Variants in GNB5 observed in about 807,000 individuals in gnomAD.
GNB5 encodes G protein subunit beta 5, also known as guanine nucleotide-binding protein subunit beta-5.
A neutral mutation model predicts 55.3 loss-of-function variants in GNB5; 37 were observed. The observed-to-expected ratio is 0.67, with a 90% CI of 0.51 to 0.88. The LOEUF is 0.88. GNB5 is among the 40% of genes least tolerant of loss of function. GNB5 has a pLI of 0.00. For synonymous variants in GNB5, 219 were observed against 198.5 expected (o/e 1.10, Z -0.87); for missense variants, 476 against 515.3 (o/e 0.92, Z 0.74).
chr15:52,184,460 A>G (rs911202995), intron 2 of GNB5, 91 bp downstream of exon 2: 27 of 1,110,104 alleles, frequency 2.4e-5, no homozygotes, highest in Admixed American at 3.6e-5. Flanking sequence ...TGTGTGTTAT[A>G]TAAGCTGATT....
rs1448084144 is a variant in GNB5, at chr15:52,120,819, G to A, written c.*1938C>T. On this transcript the variant is annotated 3_prime_UTR_variant, in exon 13 of 13. Coordinates refer to ENST00000261837, the MANE Select transcript of GNB5 (RefSeq NM_016194.4). The stretch of plus-strand genomic sequence containing the variant: ...CCCTGCCCAGACTGGAATCTACTGG[G>A]ACTAAAAAGCACTCTCTCTGGGCTC... 1 of 152,328 alleles carries A rather than the reference G, an allele frequency of 6.6e-6. No homozygotes were observed. Among genetic ancestry groups the A allele is most frequent in the Non-Finnish European group, 1.5e-5 (1 of 68,144 alleles). The allele number at this position is 152,328 out of a possible 1,614,324, so 9.4% of individuals were successfully genotyped here.
chr15:52,150,096 C>G lies in GNB5; in HGVS notation c.376-171G>C, dbSNP rs560649544. 7.2e-5 allele frequency among the ~76,000 whole-genome samples: 11 copies of G among 152,230 alleles called. 1 individual carries two copies. Among genetic ancestry groups the G allele is most frequent in the African/African-American group, 2.6e-4 (11 of 41,544 alleles). ...TCCATGAAAAAAAGTGGGGTGAGTG[C>G]AGGAGGGGCTGGATGTTCCAGCAGA... On this transcript the variant is annotated intron_variant, in intron 4 of 12. Coordinates refer to ENST00000261837, the MANE Select transcript of GNB5 (RefSeq NM_016194.4).
intron 7 of GNB5, chr15:52,137,803 A>G (rs1239578077): frequency 2.4e-6 from 3 of 1,265,512 alleles, no homozygotes; most frequent in African/African-American, 3.1e-5. Flanking sequence ...ACTGACAGCA[A>G]TGGAGGGGAC....
chr15:52,188,092 T>C (rs906165939), intron 1 of GNB5, among the ~76,000 whole-genome samples: 5 of 152,240 alleles, frequency 3.3e-5, no homozygotes, highest in Non-Finnish European at 4.4e-5. Context: ...TTTATAAGTA[T>C]ATATGTGTGT....
intron 2 of GNB5, among the ~76,000 whole-genome samples, chr15:52,181,808 G>C (rs1317331208): frequency 6.6e-6 from 1 of 151,874 alleles, no homozygotes; most frequent in East Asian, 1.9e-4. Flanking sequence ...GCATATGGTA[G>C]GTGCTCAGTT....
chr15:52,139,933 A>G, intron 7 of GNB5: 3 of 1,286,200 alleles, frequency 2.3e-6, no homozygotes, highest in Non-Finnish European at 3.0e-6. Context: ...GCCTGCCTTC[A>G]TCCAGCCTAA....
chr15:52,129,927 T>TC, intron 9 of GNB5, among the ~76,000 whole-genome samples: 1 of 152,342 alleles, frequency 6.6e-6, no homozygotes, highest in Middle Eastern at 3.4e-3. Flanking sequence ...GTTTTGTTTT[T>TC]CCTGGGCAGG....
chr15:52,133,837 A>G (rs1350234052), intron 8 of GNB5, among the ~76,000 whole-genome samples: 2 of 152,212 alleles, frequency 1.3e-5, no homozygotes, highest in East Asian at 3.8e-4. Context: ...CCCAGAGGGC[A>G]AGGCAGGCAG....
rs1293673907 is a variant in GNB5, at chr15:52,122,238, T to G, written c.*519A>C. ...AAGATACTTTTACAATAAAAACACA[T>G]TCTAAAAAAATGATTTTTGTCTAAT... On this transcript the variant is annotated 3_prime_UTR_variant, in exon 13 of 13. Transcript: ENST00000261837. 6.6e-6 allele frequency: 1 copy of G among 152,556 alleles called. No homozygotes were observed. The highest frequency in any genetic ancestry group is 2.4e-5 in the African/African-American group (1 of 41,446). The allele number at this position is 152,556 out of a possible 1,614,324, so 9.5% of individuals were successfully genotyped here.
chr15:52,185,017 T>C (rs2141243942), intron 1 of GNB5, among the ~76,000 whole-genome samples: 1 of 152,358 alleles, frequency 6.6e-6, no homozygotes, highest in Non-Finnish European at 1.5e-5. Flanking sequence ...GGAAAACGTT[T>C]TTGTAATGGA....
At chr15:52,170,021 A>G (rs2034528336) in intron 3 of GNB5, among the ~76,000 whole-genome samples, 1 of 152,252 alleles carries the variant, frequency 6.6e-6, no homozygotes, top group Admixed American at 6.5e-5. Flanking sequence ...ATACCATCTC[A>G]TGTCAGTCAG....
At chr15:52,137,921 C>T (rs2033762166) in intron 7 of GNB5, 1 of 1,286,884 alleles carries the variant, frequency 7.8e-7, no homozygotes, top group Non-Finnish European at 1.0e-6. Context: ...CACAAGAGAG[C>T]CCTTTGCGGA....
At chr15:52,179,685 C>CG in intron 3 of GNB5, 83 bp downstream of exon 3, 7 of 835,418 alleles carry the variant, frequency 8.4e-6, no homozygotes, top group Non-Finnish European at 1.1e-5. Context: ...CAGCCACGAC[C>CG]GCCCCCACCG....
chr15:52,128,094 A>G (rs2033474038), intron 10 of GNB5, 102 bp downstream of exon 10: 3 of 735,822 alleles, frequency 4.1e-6, no homozygotes, highest in Non-Finnish European at 7.0e-6. Flanking sequence ...TCTTTATTGA[A>G]TACTCGTTAC....
intron 3 of GNB5, among the ~76,000 whole-genome samples, chr15:52,172,978 G>A (rs1301935749): frequency 1.3e-5 from 2 of 151,728 alleles, no homozygotes; most frequent in African/African-American, 4.8e-5. Context: ...CTTTTCATAC[G>A]TGGATTTACT....
chr15:52,135,635 G>T lies in GNB5; in HGVS notation c.749C>A (p.Thr250Asn). 6.2e-7 allele frequency: 1 copy of T among 1,613,822 alleles called. No individual in the cohort carries two copies. Among genetic ancestry groups the T allele is most frequent in the Non-Finnish European group, 8.5e-7 (1 of 1,179,868 alleles). ...VLCLDLAPSE[T>N]GNTFVSGGCD... ...TACCCCAGACACGAAGGTGTTTCCAGTTTCTGAGGGGGCCAGGTCCAAGCA... is the reference window on the plus strand; with the variant it reads ...TACCCCAGACACGAAGGTGTTTCCATTTTCTGAGGGGGCCAGGTCCAAGCA... Residue 250 changes from threonine to asparagine, a missense_variant, in exon 8 of 13, where the codon ACT becomes AAT. Thr to Asn is a moderately conservative substitution (Grantham distance 65). Coordinates refer to ENST00000261837, the MANE Select transcript of GNB5 (RefSeq NM_016194.4).
intron 12 of GNB5, among the ~76,000 whole-genome samples, chr15:52,124,105 G>A (rs531645231): frequency 5.3e-5 from 8 of 151,482 alleles, no homozygotes; most frequent in South Asian, 2.1e-4. Context: ...GTCAATAATC[G>A]TAATAAGAAC....
intron 11 of GNB5, 76 bp from the exon 12 acceptor site, chr15:52,124,715 T>C (rs904556793): frequency 1.6e-6 from 2 of 1,272,550 alleles, no homozygotes; most frequent in Admixed American, 3.7e-5. Flanking sequence ...TGTTACTCAC[T>C]CATTCAGTAA....
At chr15:52,131,530 C>CT (rs1251832325) in intron 9 of GNB5, among the ~76,000 whole-genome samples, 4 of 152,160 alleles carry the variant, frequency 2.6e-5, no homozygotes, top group African/African-American at 9.7e-5. Flanking sequence ...AATGACTGTA[C>CT]TTTATTAATA....
Sources: allele counts gnomAD v4.1 joint callset (sites outside exome capture counted in the v4.1 genomes callset), GRCh38; gene constraint gnomAD v4.1.1; transcripts MANE v1.5; gene names NCBI Gene and HGNC (gene_info 2026-07-23, HGNC 2026-07-21).